The following RBL1 variants were observed in gnomAD, a reference collection of about 807,000 sequenced individuals.
The protein encoded by RBL1 is retinoblastoma-like protein 1.
RBL1 carries 82 observed loss-of-function variants against 123.0 expected under a neutral mutation model. The observed-to-expected ratio is 0.67, with a 90% CI of 0.56 to 0.80. RBL1 has a LOEUF of 0.80. RBL1 is among the 30% of genes least tolerant of loss of function. RBL1 has a pLI of 0.00. For missense variants in RBL1, 1,171 were observed against 1,299.6 expected (o/e 0.90, Z 1.52); for synonymous variants, 405 against 441.3 (o/e 0.92, Z 1.03).
intron 9 of RBL1, among the ~76,000 whole-genome samples, chr20:37,059,253 G>A (rs76495829): frequency 0.011 from 1,603 of 152,264 alleles, 24 homozygotes; most frequent in African/African-American, 0.037. Flanking sequence ...TATTTCTGAG[G>A]CTGGAGATTG....
In RBL1 at chr20:37,035,361, G is replaced by A. The variant is rs1205370617; in HGVS notation, c.2051C>T (p.Ala684Val). ...TTCAGCAGTAATGCTTGAAGAAGGA[G>A]CGATTTTCAATTTTGTTCCTTCTGT... The part of the protein sequence containing the change: ...IITEGTKLKI[A>V]PSSSITAENV... The change falls in exon 15 of 22, where the codon GCT becomes GTT. Residue 684 changes from alanine to valine, a missense_variant. By Grantham distance (64) the Ala-to-Val change is moderately conservative (BLOSUM62 0). Transcript: ENST00000373664. 6.2e-7 allele frequency: 1 copy of A among 1,614,010 alleles called. No homozygotes were observed. The highest frequency in any genetic ancestry group is 1.3e-5 in the African/African-American group (1 of 74,916).
At chr20:37,071,014 A>G (rs1186776560) in intron 2 of RBL1, among the ~76,000 whole-genome samples, 2 of 151,306 alleles carry the variant, frequency 1.3e-5, no homozygotes, top group Non-Finnish European at 2.9e-5. Flanking sequence ...TCCTGCCTCT[A>G]CCTCCTGACA....
At chr20:37,057,383 G>A (rs1242704765) in intron 9 of RBL1, among the ~76,000 whole-genome samples, 1 of 152,124 alleles carries the variant, frequency 6.6e-6, no homozygotes, top group Non-Finnish European at 1.5e-5. Flanking sequence ...TTTTTTTGGG[G>A]TGATGAGTGG....
At chr20:37,092,694 G>C (rs989768004) in intron 1 of RBL1, among the ~76,000 whole-genome samples, 11 of 151,652 alleles carry the variant, frequency 7.3e-5, no homozygotes, top group African/African-American at 2.7e-4. Context: ...GTCTCACTAT[G>C]TTGCCCAGGC....
intron 8 of RBL1, 147 bp downstream of exon 8, chr20:37,061,937 A>C: frequency 2.2e-6 from 2 of 924,334 alleles, no homozygotes; most frequent in Non-Finnish European, 3.1e-6. Context: ...TGCCAGTTTT[A>C]AAAATTACCT....
chr20:37,056,122 C>T, intron 10 of RBL1, 24 bp downstream of exon 10: 1 of 1,593,868 alleles, frequency 6.3e-7, no homozygotes. Flanking sequence ...CAATGCTATG[C>T]CAACTGTAGT....
At chr20:37,042,767 G>A (rs907106387) in intron 13 of RBL1, among the ~76,000 whole-genome samples, 4 of 151,628 alleles carry the variant, frequency 2.6e-5, no homozygotes, top group Non-Finnish European at 4.4e-5. Context: ...GCCAGGTGTG[G>A]TGTGTGTGCC....
chr20:37,035,153 G>A (rs2064584791), intron 15 of RBL1, 89 bp downstream of exon 15: 3 of 1,261,788 alleles, frequency 2.4e-6, no homozygotes, highest in East Asian at 2.5e-5. Context: ...AAAATAATGA[G>A]TTAGAAAAAC....
rs199931898 is a variant in RBL1, at chr20:37,056,351, CTTTTTTTTT to C, written c.1251-102_1251-94del. 1.2e-5 allele frequency: 12 copies of C among 972,104 alleles called. No homozygotes were observed. In the East Asian group the frequency reaches 8.2e-4, roughly 66 times the overall value. The allele number at this position is 972,104 out of a possible 1,614,324, so 60.2% of individuals were successfully genotyped here. ...CAGAATACTAACATGCCTTCTTCTT[CTTTTTTTTT>C]TTTTTTTTTTTTGAGACGGAGTCTC... is the stretch of plus-strand genomic sequence containing the variant. On this transcript the variant is annotated intron_variant, in intron 9 of 21. Transcript: ENST00000373664.
chr20:37,089,734 G>C (rs1176004268), intron 1 of RBL1, among the ~76,000 whole-genome samples: 1 of 151,882 alleles, frequency 6.6e-6, no homozygotes, highest in Non-Finnish European at 1.5e-5. Flanking sequence ...ATAACATCTT[G>C]GTCAACACTG....
chr20:37,081,964 C>T (rs1189541732), intron 2 of RBL1: 1 of 455,700 alleles, frequency 2.2e-6, no homozygotes, highest in South Asian at 1.6e-5. Flanking sequence ...AATGGAGGCT[C>T]GCTTCAGGTC....
rs1406851946 is a variant in RBL1, at chr20:37,095,957, C to A, written c.-29G>T. On this transcript the variant is annotated 5_prime_UTR_variant, in exon 1 of 22. Transcript: ENST00000373664. The stretch of plus-strand genomic sequence containing the variant: ...TTCAGGCCCCGCGGGCTGCGCGCCA[C>A]GGCCCCCGACTTCTTTCTCCCTCCC... The A allele has an allele frequency of 4.1e-6, 6 of 1,466,024 alleles. No homozygotes were observed. The highest frequency in any genetic ancestry group is 5.5e-6 in the Non-Finnish European group (6 of 1,099,768). The allele number at this position is 1,466,024 out of a possible 1,614,324, so 90.8% of individuals were successfully genotyped here. A position where few individuals can be genotyped will look rare whatever the true frequency, so the allele number is the denominator to read the frequency against.
intron 3 of RBL1, 138 bp from the exon 4 acceptor site, chr20:37,067,435 G>A (rs1382411138): frequency 2.7e-6 from 2 of 741,872 alleles, no homozygotes; most frequent in East Asian, 5.8e-5. Flanking sequence ...TATTATTTAT[G>A]AAATGGACTT....
chr20:37,064,732 C>T (rs2065151705), intron 7 of RBL1, among the ~76,000 whole-genome samples: 2 of 152,072 alleles, frequency 1.3e-5, no homozygotes, highest in African/African-American at 4.8e-5. Context: ...GCCTCAGTCT[C>T]CCAAGCAGCT....
At chr20:37,081,434 A>C (rs990451787) in intron 2 of RBL1, among the ~76,000 whole-genome samples, 3 of 152,180 alleles carry the variant, frequency 2.0e-5, no homozygotes, top group Non-Finnish European at 4.4e-5. Context: ...TCAAGCCAGA[A>C]GTTCAAGACC....
At chr20:37,069,677 C>T (rs1426246638) in intron 2 of RBL1, among the ~76,000 whole-genome samples, 1 of 151,802 alleles carries the variant, frequency 6.6e-6, no homozygotes, top group East Asian at 1.9e-4. Flanking sequence ...AGCCTCTCCG[C>T]CCGACAGCCA....
chr20:37,069,997 G>T (rs1009891515), intron 2 of RBL1, among the ~76,000 whole-genome samples: 2 of 152,128 alleles, frequency 1.3e-5, no homozygotes, highest in African/African-American at 2.4e-5. Context: ...GAACGGGCCA[G>T]GATGACAATG....
intron 11 of RBL1, chr20:37,049,680 C>A (rs986878873): frequency 4.0e-6 from 3 of 745,476 alleles, no homozygotes. Context: ...GTCTGACTTA[C>A]TGCTTCAACA....
chr20:37,069,838 A>T (rs1410920368), intron 2 of RBL1, among the ~76,000 whole-genome samples: 2 of 148,972 alleles, frequency 1.3e-5, no homozygotes, highest in Non-Finnish European at 3.0e-5. Flanking sequence ...CCTGTCCGGG[A>T]GGGAGGTGGG....
Sources: gnomAD v4.1 joint callset for allele counts (sites outside exome capture counted in the v4.1 genomes callset) on GRCh38, gnomAD v4.1.1 for gene constraint, MANE v1.5 for transcripts, NCBI Gene and HGNC (gene_info 2026-07-23, HGNC 2026-07-21) for gene names.